Variants in TBC1D1 observed in about 807,000 individuals in gnomAD.
TBC1D1 encodes TBC1 (tre-2/USP6, BUB2, cdc16) domain family, member 1.
In TBC1D1, 89 loss-of-function variants were observed where a neutral mutation model predicts 125.6. The ratio of observed to expected loss-of-function variants is 0.71; its 90% CI spans 0.60 to 0.85. The LOEUF is 0.85. Ranked by LOEUF, TBC1D1 falls within the 40% of genes least tolerant of loss-of-function variation. The probability of loss-of-function intolerance (pLI) is 0.00; values close to 1 mark genes in which losing one functional copy is unlikely to be tolerated. For missense variants in TBC1D1, 1,377 were observed against 1,469.2 expected (o/e 0.94, Z 1.03); for synonymous variants, 565 against 564.1 (o/e 1.00, Z -0.02).
In TBC1D1 at chr4:38,115,752, G is replaced by GAGC; in HGVS notation, c.2603_2605dup (p.Ala868dup). 1 of 1,614,110 alleles carries GAGC rather than the reference G, an allele frequency of 6.2e-7. No individual in the cohort carries two copies. The highest frequency in any genetic ancestry group is 2.2e-5 in the East Asian group (1 of 44,886). On this transcript the variant is annotated inframe_insertion, in exon 16 of 20. Transcript: ENST00000261439. ...CACCCATACTTCTCTGCCCAGCTTG[G>GAGC]AGCAGGACAGCTATCGCTTTACAAC...
At chr4:38,106,540 G>A (rs961207152) in intron 15 of TBC1D1, among the ~76,000 whole-genome samples, 1 of 152,192 alleles carries the variant, frequency 6.6e-6, no homozygotes, top group African/African-American at 2.4e-5. Flanking sequence ...CCTATCATGT[G>A]AAACAAAGTG....
At chr4:38,050,042 A>T in intron 11 of TBC1D1, 144 bp downstream of exon 11, 2 of 953,972 alleles carry the variant, frequency 2.1e-6, no homozygotes, top group East Asian at 5.2e-5. Flanking sequence ...AAGCAGTGAC[A>T]TGTTCGTTCG....
At chr4:38,100,387 T>C (rs1388538236) in intron 14 of TBC1D1, among the ~76,000 whole-genome samples, 2 of 152,196 alleles carry the variant, frequency 1.3e-5, no homozygotes, top group East Asian at 3.9e-4. Flanking sequence ...GTCACGGCAC[T>C]CCAGCCTCTG....
intron 10 of TBC1D1, among the ~76,000 whole-genome samples, chr4:38,048,388 T>G (rs534860497): frequency 6.6e-6 from 1 of 152,296 alleles, no homozygotes; most frequent in South Asian, 2.1e-4. Context: ...GAGAGACTTT[T>G]AAATCCTTAA....
intron 1 of TBC1D1, among the ~76,000 whole-genome samples, chr4:37,896,862 G>T (rs1271124876): frequency 6.6e-6 from 1 of 151,914 alleles, no homozygotes; most frequent in East Asian, 1.9e-4. Flanking sequence ...CCAGAGATAT[G>T]TAGCATAGCA....
At chr4:38,066,993 C>T (rs1244287091) in intron 12 of TBC1D1, among the ~76,000 whole-genome samples, 2 of 152,090 alleles carry the variant, frequency 1.3e-5, no homozygotes, top group Admixed American at 6.5e-5. Context: ...TCTCCTGCCT[C>T]AGCCTCCCGA....
At chr4:38,053,052 C>T in intron 11 of TBC1D1, 54 bp from the exon 13 acceptor site, 6 of 1,242,952 alleles carry the variant, frequency 4.8e-6, no homozygotes, top group Non-Finnish European at 5.2e-6. Flanking sequence ...ATATTTTATA[C>T]TTTGTGTTTT....
chr4:37,977,023 C>T lies in TBC1D1; in HGVS notation c.418-37486C>T, dbSNP rs1361930422. 6.6e-6 allele frequency among the ~76,000 whole-genome samples: 1 copy of T among 152,206 alleles called. No homozygotes were observed. Among genetic ancestry groups the T allele is most frequent in the Non-Finnish European group, 1.5e-5 (1 of 68,022 alleles). On this transcript the variant is annotated intron_variant, in intron 2 of 19. Transcript: ENST00000261439. The surrounding 1 kb of genome is among the most constrained non-coding windows in gnomAD (Gnocchi z 4.3). Reference sequence around the variant, plus strand: ...TGGGCGGGCTTTGTGTTAGCTCCAACTCTGGGGCTTTTGTGGAACCTCGGA... The same window carrying T: ...TGGGCGGGCTTTGTGTTAGCTCCAATTCTGGGGCTTTTGTGGAACCTCGGA...
At chr4:38,088,735 G>A (rs1757951025) in intron 12 of TBC1D1, among the ~76,000 whole-genome samples, 1 of 152,032 alleles carries the variant, frequency 6.6e-6, no homozygotes, top group Non-Finnish European at 1.5e-5. Flanking sequence ...ACTCTGAGGG[G>A]AGGCTCTGTC....
intron 12 of TBC1D1, among the ~76,000 whole-genome samples, chr4:38,067,745 G>A (rs114425175): frequency 0.012 from 1,766 of 152,244 alleles, 38 homozygotes; most frequent in African/African-American, 0.041. Flanking sequence ...CTCAGCCCCT[G>A]GTGCAGGTCC....
chr4:37,920,233 C>T (rs1448622653), intron 2 of TBC1D1, among the ~76,000 whole-genome samples: 2 of 151,922 alleles, frequency 1.3e-5, no homozygotes, highest in Non-Finnish European at 2.9e-5. Flanking sequence ...TCCGGTGGGC[C>T]CTGGGGTTGG....
intron 15 of TBC1D1, among the ~76,000 whole-genome samples, chr4:38,108,628 G>T (rs543346164): frequency 1.3e-5 from 2 of 152,214 alleles, no homozygotes; most frequent in African/African-American, 4.8e-5. Flanking sequence ...GACGCTAAGC[G>T]TGTGTCCAGA....
chr4:38,113,777 T>C (rs574104871), intron 15 of TBC1D1, among the ~76,000 whole-genome samples: 119 of 152,346 alleles, frequency 7.8e-4, no homozygotes, highest in Middle Eastern at 3.4e-3. Flanking sequence ...GCACTTGAGA[T>C]GTGGCTACTC....
At chr4:38,114,029 C>A (rs984010773) in intron 15 of TBC1D1, among the ~76,000 whole-genome samples, 2 of 149,140 alleles carry the variant, frequency 1.3e-5, no homozygotes, top group Admixed American at 1.3e-4. Context: ...GCATGTGCTG[C>A]TACCCATTGT....
Position 38,103,076 on chromosome 4 carries a change from A to G in TBC1D1, c.2476A>G (p.Lys826Glu), listed in dbSNP as rs765519417. The change falls in exon 15 of 20, where the codon AAA (lysine) becomes GAA (glutamate). Residue 826 changes from lysine to glutamate, a missense_variant. Physicochemically the swap from Lys to Glu is moderately conservative, Grantham distance 56 (BLOSUM62 1). Transcript: ENST00000261439. ...CCACCTTAAACACCAGTTTCCCAGC[A>G]AACAGCAGCCAAAGGATGTGCCATA... 10 of 1,614,230 alleles carry G rather than the reference A, an allele frequency of 6.2e-6. No homozygotes were observed. Among genetic ancestry groups the G allele is most frequent in the Non-Finnish European group, 8.5e-6 (10 of 1,180,034 alleles).
intron 12 of TBC1D1, among the ~76,000 whole-genome samples, chr4:38,082,221 GGTGGCGAAGGTCGCCACTGTGAC>G (rs1369657375): frequency 6.6e-6 from 1 of 152,146 alleles, no homozygotes; most frequent in African/African-American, 2.4e-5. Context: ...ATAAGGGCGG[GGTGGCGAAGGTCGCCACTGTGAC>G]GTGGCTGCTG....
intron 7 of TBC1D1, among the ~76,000 whole-genome samples, chr4:38,028,268 T>C (rs952158440): frequency 7.9e-5 from 12 of 152,130 alleles, no homozygotes; most frequent in Admixed American, 3.3e-4. Flanking sequence ...CAGGTTCAAG[T>C]GATTCTTCTG....
intron 12 of TBC1D1, among the ~76,000 whole-genome samples, chr4:38,085,935 C>T (rs1263511558): frequency 1.3e-5 from 2 of 152,216 alleles, no homozygotes; most frequent in African/African-American, 2.4e-5. Flanking sequence ...CAAGACTGCA[C>T]ACGCCTGAAG....
chr4:37,954,709 G>C (rs1728557637), intron 2 of TBC1D1, among the ~76,000 whole-genome samples: 1 of 152,028 alleles, frequency 6.6e-6, no homozygotes, highest in Admixed American at 6.6e-5. Flanking sequence ...TTGAAGGTCG[G>C]CTCTGAGGCG....
Sources: allele counts gnomAD v4.1 joint callset (sites outside exome capture counted in the v4.1 genomes callset), GRCh38; gene constraint gnomAD v4.1.1; non-coding constraint Gnocchi (gnomAD v3.1); transcripts MANE v1.5; gene names NCBI Gene and HGNC (gene_info 2026-07-23, HGNC 2026-07-21).